Variants in TEK observed in about 807,000 individuals in gnomAD.
TEK encodes TEK receptor tyrosine kinase.
A neutral mutation model predicts 131.8 loss-of-function variants in TEK; 43 were observed. The observed-to-expected ratio is 0.33, with a 90% CI of 0.26 to 0.42. The LOEUF is 0.42. Ranked by LOEUF, TEK falls within the 10% of genes least tolerant of loss-of-function variation. The probability of loss-of-function intolerance (pLI) is 1.00; values close to 1 mark genes in which losing one functional copy is unlikely to be tolerated. For missense variants in TEK, 1,162 were observed against 1,384.4 expected, an observed-to-expected ratio of 0.84 and a Z score of 2.55; for synonymous variants, 580 against 491.6, an observed-to-expected ratio of 1.18 and a Z score of -2.38.
chr9:27,202,783 A>G (rs753686548), intron 12 of TEK, 37 bp from the exon 13 acceptor site: 30 of 1,597,222 alleles, frequency 1.9e-5, no homozygotes, highest in Non-Finnish European at 2.4e-5. Context: ...CCATGGTAGT[A>G]TATCTTAAGT....
At chr9:27,142,645 T>C (rs868540019) in intron 1 of TEK, among the ~76,000 whole-genome samples, 24 of 152,378 alleles carry the variant, frequency 1.6e-4, no homozygotes, top group African/African-American at 4.3e-4. Context: ...TCTACTGGGA[T>C]GATCAAAGTA....
intron 1 of TEK, among the ~76,000 whole-genome samples, chr9:27,125,545 G>A (rs1465233964): frequency 6.6e-6 from 1 of 152,120 alleles, no homozygotes; most frequent in Admixed American, 6.5e-5. Context: ...TGCCCAGGCA[G>A]TTGAGAACAC....
At chr9:27,111,792 C>CA (rs1821358008) in intron 1 of TEK, among the ~76,000 whole-genome samples, 1 of 151,558 alleles carries the variant, frequency 6.6e-6, no homozygotes, top group African/African-American at 2.4e-5. Flanking sequence ...AGAAAACTAA[C>CA]AAAAAAATCA....
intron 16 of TEK, chr9:27,210,586 G>A (rs1047934835): frequency 1.3e-5 from 2 of 157,200 alleles, no homozygotes; most frequent in African/African-American, 4.8e-5. Context: ...TTTGCACTAG[G>A]AGGAGATAAG....
At chr9:27,154,570 A>T (rs1823257010) in intron 1 of TEK, among the ~76,000 whole-genome samples, 1 of 152,180 alleles carries the variant, frequency 6.6e-6, no homozygotes, top group Non-Finnish European at 1.5e-5. Flanking sequence ...TCTTCTTTTT[A>T]TGTGTCACCT....
At chr9:27,212,600 G>GT in intron 16 of TEK, 107 bp from the exon 17 acceptor site, 1 of 1,256,754 alleles carries the variant, frequency 8.0e-7, no homozygotes, top group Non-Finnish European at 1.1e-6. Flanking sequence ...TGCTAGATGT[G>GT]TTTTTTAGAC....
At chr9:27,146,617 C>T (rs1049080979) in intron 1 of TEK, among the ~76,000 whole-genome samples, 1 of 151,902 alleles carries the variant, frequency 6.6e-6, no homozygotes, top group African/African-American at 2.4e-5. Context: ...TGTTGAGTAG[C>T]ATGGATATAC....
At chr9:27,205,086 T>C in intron 14 of TEK, 21 bp downstream of exon 14, 1 of 1,613,750 alleles carries the variant, frequency 6.2e-7, no homozygotes, top group Non-Finnish European at 8.5e-7. Context: ...ATCTTCCTAC[T>C]AGCTAATAAG....
At chr9:27,150,282 T>A (rs1477712138) in intron 1 of TEK, among the ~76,000 whole-genome samples, 1 of 152,178 alleles carries the variant, frequency 6.6e-6, no homozygotes, top group Non-Finnish European at 1.5e-5. Context: ...AACTGGTCTC[T>A]TTTCTATATG....
chr9:27,222,915 G>A (rs1826146028), intron 21 of TEK, among the ~76,000 whole-genome samples: 1 of 151,982 alleles, frequency 6.6e-6, no homozygotes. Flanking sequence ...AAAATAAAGG[G>A]ACAGAGGCAT....
Position 27,220,162 on chromosome 9 carries a change from C to T in TEK, c.3200+17C>T, listed in dbSNP as rs754275551. 6.2e-7 allele frequency: 1 copy of T among 1,612,634 alleles called. No individual in the cohort carries two copies. Among genetic ancestry groups the T allele is most frequent in the East Asian group, 2.2e-5 (1 of 44,850 alleles). Reference sequence around the variant, plus strand: ...TGATGAGGTGTAAGTCAGGCCTCATCCTGGGGCTATTTTGTCTTACCTTCC... The same window carrying T: ...TGATGAGGTGTAAGTCAGGCCTCATTCTGGGGCTATTTTGTCTTACCTTCC... On this transcript the variant is annotated intron_variant, in intron 21 of 22. Transcript: ENST00000380036.
intron 2 of TEK, among the ~76,000 whole-genome samples, chr9:27,160,696 G>A (rs1254371749): frequency 6.6e-6 from 1 of 152,206 alleles, no homozygotes; most frequent in Non-Finnish European, 1.5e-5. Context: ...AAGGTCAAAA[G>A]TAATAAAATT....
intron 12 of TEK, 101 bp downstream of exon 12, chr9:27,197,700 A>C: frequency 2.7e-6 from 4 of 1,492,206 alleles, no homozygotes; most frequent in Non-Finnish European, 3.7e-6. Context: ...ATTATGAAAG[A>C]AAGTTAGTTG....
chr9:27,156,192 C>T (rs1823324883), intron 1 of TEK, among the ~76,000 whole-genome samples: 1 of 152,044 alleles, frequency 6.6e-6, no homozygotes, highest in Admixed American at 6.6e-5. Flanking sequence ...TAAAATTTGC[C>T]CATCCATCCA....
intron 1 of TEK, among the ~76,000 whole-genome samples, chr9:27,142,786 C>T (rs1014936036): frequency 2.6e-5 from 4 of 152,206 alleles, no homozygotes; most frequent in Non-Finnish European, 5.9e-5. Flanking sequence ...CTCCTTTAGT[C>T]ATCGCTGTTG....
At chr9:27,177,457 T>A (rs1824211647) in intron 6 of TEK, among the ~76,000 whole-genome samples, 1 of 152,198 alleles carries the variant, frequency 6.6e-6, no homozygotes. Context: ...ATGTCGTCTT[T>A]TAAGAGATGT....
intron 1 of TEK, among the ~76,000 whole-genome samples, chr9:27,134,378 T>A (rs1437154013): frequency 2.0e-5 from 3 of 152,188 alleles, no homozygotes; most frequent in Non-Finnish European, 2.9e-5. Context: ...CCTTCTAAAT[T>A]GACATTAAAA....
intron 9 of TEK, among the ~76,000 whole-genome samples, chr9:27,190,046 A>G (rs1372111745): frequency 1.3e-5 from 2 of 152,258 alleles, no homozygotes; most frequent in Non-Finnish European, 2.9e-5. Context: ...TATTCACATC[A>G]GAGCTAAGAA....
chr9:27,203,655 GAT>G (rs768620782), intron 13 of TEK, among the ~76,000 whole-genome samples: 1 of 152,214 alleles, frequency 6.6e-6, no homozygotes, highest in African/African-American at 2.4e-5. Context: ...ATTTGTGATT[GAT>G]AAAGTCTGTT....
Sources: allele counts gnomAD v4.1 joint callset (sites outside exome capture counted in the v4.1 genomes callset), GRCh38; gene constraint gnomAD v4.1.1; transcripts MANE v1.5; gene names NCBI Gene and HGNC (gene_info 2026-07-23, HGNC 2026-07-21).